RASSF3: variants seen among roughly 807,000 people sequenced by gnomAD.
The protein encoded by RASSF3 is Ras association domain family member 3, also known as ras association domain-containing protein 3.
RASSF3 carries 19 observed loss-of-function variants against 19.9 expected under a neutral mutation model. That is an observed-to-expected ratio of 0.96 (90% CI 0.67 to 1.40). The LOEUF (loss-of-function observed/expected upper bound fraction) is 1.40, where lower values mean the gene tolerates loss of function less well. Among genes scored for constraint, RASSF3 ranks in the 40% most tolerant of loss-of-function variants. RASSF3 has a pLI of 0.00. For synonymous variants in RASSF3, 110 were observed against 104.2 expected, an observed-to-expected ratio of 1.06 and a Z score of -0.34; for missense variants, 306 against 289.8, an observed-to-expected ratio of 1.06 and a Z score of -0.41.
intron 1 of RASSF3, among the ~76,000 whole-genome samples, chr12:64,663,355 C>T (rs1325500795): frequency 6.6e-6 from 1 of 151,866 alleles, no homozygotes; most frequent in Non-Finnish European, 1.5e-5. Context: ...GGTAAGAAAT[C>T]TAGTAAAGGT....
At chr12:64,619,410 A>G (rs1870667212) in intron 1 of RASSF3, among the ~76,000 whole-genome samples, 1 of 152,074 alleles carries the variant, frequency 6.6e-6, no homozygotes, top group African/African-American at 2.4e-5. Context: ...GTTTAAGGAC[A>G]GAAGAGGGCT....
chr12:64,659,324 T>G (rs192230187), intron 1 of RASSF3, among the ~76,000 whole-genome samples: 17 of 152,294 alleles, frequency 1.1e-4, no homozygotes, highest in South Asian at 2.1e-4. Context: ...CTGATAAGAT[T>G]ATTCTTCTCC....
upstream of RASSF3, among the ~76,000 whole-genome samples, chr12:64,607,821 A>T (rs1410156334): frequency 6.6e-6 from 1 of 152,120 alleles, no homozygotes; most frequent in Non-Finnish European, 1.5e-5. Flanking sequence ...CAGTGGTAAG[A>T]TCATAGTTCA....
chr12:64,554,964 C>T (rs913287102), intron 2 of RASSF3, among the ~76,000 whole-genome samples: 2 of 152,246 alleles, frequency 1.3e-5, no homozygotes, highest in African/African-American at 4.8e-5. Context: ...ATTTTTTAGG[C>T]CACTTATGGT....
chr12:64,610,054 C>A (rs1034032117), upstream of RASSF3, among the ~76,000 whole-genome samples: 1 of 152,048 alleles, frequency 6.6e-6, no homozygotes, highest in Non-Finnish European at 1.5e-5. Context: ...GGGGGTCCCT[C>A]GGCCGGGCAA....
In RASSF3 at chr12:64,667,469, G is replaced by A. The variant is rs566622785; in HGVS notation, c.112-17318G>A. Among the ~76,000 whole-genome samples the A allele has an allele frequency of 3.5e-4, 53 of 152,334 alleles. 2 individuals carry two copies. Among genetic ancestry groups the A allele is most frequent in the Admixed American group, 4.6e-4 (7 of 15,306 alleles). On this transcript the variant is annotated intron_variant, in intron 1 of 4. Coordinates refer to ENST00000542104, the MANE Select transcript of RASSF3 (RefSeq NM_178169.4). ...AGCCTCCCAAAGTACTGGGATTACA[G>A]GTGTGAGCCACTGCGCCCGGCCTAT...
At chr12:64,530,918 G>T (rs1470924445), upstream of RASSF3, among the ~76,000 whole-genome samples, 3 of 152,222 alleles carry the variant, frequency 2.0e-5, no homozygotes, top group East Asian at 5.8e-4. Flanking sequence ...AGGTTACTTG[G>T]TTTCTAATTA....
At chr12:64,587,074 A>G (rs1411247807) in intron 2 of RASSF3, among the ~76,000 whole-genome samples, 1 of 118,858 alleles carries the variant, frequency 8.4e-6, no homozygotes, top group African/African-American at 3.4e-5. Context: ...TTTTTTTGAG[A>G]CGGAGTTTCG....
At chr12:64,620,815 C>T (rs1294929073) in intron 1 of RASSF3, among the ~76,000 whole-genome samples, 4 of 151,924 alleles carry the variant, frequency 2.6e-5, no homozygotes, top group Non-Finnish European at 5.9e-5. Context: ...CAATTTATGT[C>T]TATTTTTAAG....
chr12:64,668,845 C>T (rs1872608290), intron 1 of RASSF3, among the ~76,000 whole-genome samples: 1 of 151,468 alleles, frequency 6.6e-6, no homozygotes, highest in Non-Finnish European at 1.5e-5. Context: ...CCGCACCCAG[C>T]TAATTTTTTG....
chr12:64,576,348 T>C (rs1869595834), intron 2 of RASSF3, among the ~76,000 whole-genome samples: 1 of 152,186 alleles, frequency 6.6e-6, no homozygotes, highest in Non-Finnish European at 1.5e-5. Flanking sequence ...AGGAAGAATC[T>C]TGACCCTTAT....
At chr12:64,684,427 G>GTTT (rs1188238001) in intron 1 of RASSF3, among the ~76,000 whole-genome samples, 5 of 59,054 alleles carry the variant, frequency 8.5e-5, no homozygotes, top group African/African-American at 3.2e-4. Flanking sequence ...CTGTTTGTTT[G>GTTT]TTTGTTTGTT....
At chr12:64,634,563 G>A (rs1189019390) in intron 1 of RASSF3, among the ~76,000 whole-genome samples, 1 of 151,880 alleles carries the variant, frequency 6.6e-6, no homozygotes. Flanking sequence ...TTCTGCCCAA[G>A]CTTCACCATA....
intron 1 of RASSF3, among the ~76,000 whole-genome samples, chr12:64,646,916 A>G (rs1871755426): frequency 6.6e-6 from 1 of 152,214 alleles, no homozygotes; most frequent in African/African-American, 2.4e-5. Flanking sequence ...ACTTTCTATC[A>G]TGACCCAATA....
intron 2 of RASSF3, 53 bp from the exon 3 acceptor site, chr12:64,688,163 C>T: frequency 7.9e-7 from 1 of 1,261,656 alleles, no homozygotes; most frequent in Middle Eastern, 1.9e-4. Context: ...ATGCTTCTTC[C>T]CTAAAGTGCC....
At chr12:64,641,426 G>GCGCGCT (rs1871525396) in intron 1 of RASSF3, among the ~76,000 whole-genome samples, 1 of 60,110 alleles carries the variant, frequency 1.7e-5, no homozygotes, top group African/African-American at 7.4e-5. Flanking sequence ...GCGCGCGCGC[G>GCGCGCT]CGTTGAAAAC....
intron 1 of RASSF3, among the ~76,000 whole-genome samples, chr12:64,667,536 G>GAAA (rs1872568702): frequency 6.6e-6 from 1 of 152,162 alleles, no homozygotes; most frequent in Non-Finnish European, 1.5e-5. Flanking sequence ...GATGGTCGTA[G>GAAA]CTCCTATTCT....
chr12:64,523,531 A>G (rs1406644457), intron 1 of RASSF3, among the ~76,000 whole-genome samples: 2 of 152,200 alleles, frequency 1.3e-5, no homozygotes, highest in African/African-American at 4.8e-5. Context: ...AGCAGCCTTC[A>G]GTGGGAGCTC....
intron 1 of RASSF3, among the ~76,000 whole-genome samples, chr12:64,676,321 C>G (rs1872900350): frequency 6.6e-6 from 1 of 151,448 alleles, no homozygotes. Context: ...GCATGTGCCA[C>G]CACACTGGGC....
Sources: gnomAD v4.1 joint callset for allele counts (sites outside exome capture counted in the v4.1 genomes callset) on GRCh38, gnomAD v4.1.1 for gene constraint, MANE v1.5 for transcripts, NCBI Gene and HGNC (gene_info 2026-07-23, HGNC 2026-07-21) for gene names.